The following PRRT3 variants were observed in gnomAD, a reference collection of about 807,000 sequenced individuals.
PRRT3 encodes the protein proline-rich transmembrane protein 3.
PRRT3 carries 48 observed loss-of-function variants against 56.6 expected under a neutral mutation model. The observed-to-expected ratio is 0.85, with a 90% CI of 0.67 to 1.08. The LOEUF is 1.08. PRRT3 is among the 50% of genes least tolerant of loss of function. The pLI, the probability that PRRT3 is intolerant of heterozygous loss-of-function variation, is 0.00. For missense variants in PRRT3, 1,370 were observed against 1,353.1 expected (o/e 1.01, Z -0.20); for synonymous variants, 641 against 619.1 (o/e 1.04, Z -0.52).
At position 9,949,157 on chromosome 3, in the gene PRRT3, C is replaced by G; in HGVS notation, c.959G>C (p.Gly320Ala). The G allele has an allele frequency of 6.2e-7, 1 of 1,611,998 alleles. No individual in the cohort carries two copies. The highest frequency in any genetic ancestry group is 8.5e-7 in the Non-Finnish European group (1 of 1,179,402). Reference sequence around the variant, plus strand: ...GGCGGGTGGATCCGTGGGCTGGGGTCCTGGTGAATCCTTAGCGTCAGGAAG... The same window carrying G: ...GGCGGGTGGATCCGTGGGCTGGGGTGCTGGTGAATCCTTAGCGTCAGGAAG... ...ADLPDAKDSP[G>A]PQPTDPPASE... Residue 320 changes from glycine (G) to alanine (A), a missense_variant, in exon 2 of 4, where the codon GGA (glycine) becomes GCA (alanine). Coordinates refer to ENST00000412055, the MANE Select transcript of PRRT3 (RefSeq NM_207351.5). The surrounding 1 kb of genome is among the most constrained non-coding windows in gnomAD (Gnocchi z 4.5).
chr3:9,946,858 C>G lies in PRRT3; in HGVS notation c.2315G>C (p.Trp772Ser). Residue 772 changes from tryptophan to serine, a missense_variant, in exon 4 of 4, where the codon TGG becomes TCG. Trp to Ser is a radical substitution (Grantham distance 177). Coordinates refer to ENST00000412055, the MANE Select transcript of PRRT3 (RefSeq NM_207351.5). This position sits in a 1 kb window ranked among gnomAD's most constrained non-coding sequence, Gnocchi z 4.1. ...GCGACCCAACGACGCAGCCGAGCCC[C>G]AGGCGCCTGAACTGGGCGTGGCCAG... ...GQLATPSSGAWGSAASLGRGP... is the reference protein window; with the variant it reads ...GQLATPSSGASGSAASLGRGP... 6.5e-7 allele frequency: 1 copy of G among 1,539,596 alleles called. No individual in the cohort carries two copies. The highest frequency in any genetic ancestry group is 8.7e-7 in the Non-Finnish European group (1 of 1,148,434).
chr3:9,949,507 G>T lies in PRRT3; in HGVS notation c.609C>A (p.Asp203Glu), dbSNP rs1457014010. 6.2e-7 allele frequency: 1 copy of T among 1,613,870 alleles called. No homozygotes were observed. The highest frequency in any genetic ancestry group is 1.3e-5 in the African/African-American group (1 of 74,924). The change falls in exon 2 of 4, where the codon GAC becomes GAA. Residue 203 changes from aspartate (D) to glutamate (E), a missense_variant. Physicochemically the swap from Asp to Glu is conservative, Grantham distance 45. Transcript: ENST00000412055. The surrounding 1 kb of genome is among the most constrained non-coding windows in gnomAD (Gnocchi z 4.5). ...CAAGGGTGTGGGGTGGGCCCTGGTG[G>T]TCTGAGGGAGAAGTGGGTGGGACCC... Reference protein sequence around the residue: ...KSRVPPTSPSDHQGPPHTLVS... With the variant: ...KSRVPPTSPSEHQGPPHTLVS...
Position 9,947,567 on chromosome 3 carries a change from C to T in PRRT3, c.1606G>A (p.Gly536Arg). 1.9e-6 allele frequency: 3 copies of T among 1,604,508 alleles called. No individual in the cohort carries two copies. Among genetic ancestry groups the T allele is most frequent in the South Asian group, 1.1e-5 (1 of 90,338 alleles). ...YGSQARLGVR[G>R]GLVLYNLPFP... ...GGCAGGTTGTAGAGCACCAGGCCCC[C>T]GCGAACGCCCAGCCGCGCCTGCGAG... Residue 536 changes from glycine (G) to arginine (R), a missense_variant, in exon 4 of 4, where the codon GGG becomes AGG. By Grantham distance (125) the Gly-to-Arg change is moderately radical. Coordinates refer to ENST00000412055, the MANE Select transcript of PRRT3 (RefSeq NM_207351.5). The surrounding 1 kb of genome is among the most constrained non-coding windows in gnomAD (Gnocchi z 9.2).
chr3:9,946,810 A>T lies in PRRT3; in HGVS notation c.2363T>A (p.Leu788Gln). 1 of 1,546,712 alleles carries T rather than the reference A, an allele frequency of 6.5e-7. No individual in the cohort carries two copies. ...CGCCGGTCCCACACCGTTGCGGGAC[A>T]GTCCCGGGCCACCCTGGGGTCCGCG... is the stretch of plus-strand genomic sequence containing the variant. ...LGRGPQGGPG[L>Q]SRNGVGPAPS... The change falls in exon 4 of 4, where the codon CTG (leucine) becomes CAG (glutamine). Residue 788 changes from leucine (L) to glutamine (Q), a missense_variant. Coordinates refer to ENST00000412055, the MANE Select transcript of PRRT3 (RefSeq NM_207351.5). The surrounding 1 kb of genome is among the most constrained non-coding windows in gnomAD (Gnocchi z 4.1).
Position 9,947,504 on chromosome 3 carries a change from G to A in PRRT3, c.1669C>T (p.Leu557=). Residue 557 remains leucine, a synonymous_variant, in exon 4 of 4, where the codon CTG becomes TTG. Coordinates refer to ENST00000412055, the MANE Select transcript of PRRT3 (RefSeq NM_207351.5). The surrounding 1 kb of genome is among the most constrained non-coding windows in gnomAD (Gnocchi z 9.2). ...GGCAGCCCCGCGCCCAGGCCGAGCA[G>A]AGTCAGGGCTGCCAGCGCCGTAAGC... ...LLLTALAALT[L]LGLGAGLPPP... is the part of the protein sequence containing the mutation. 6.2e-7 allele frequency: 1 copy of A among 1,612,106 alleles called. No individual in the cohort carries two copies. The highest frequency in any genetic ancestry group is 8.5e-7 in the Non-Finnish European group (1 of 1,179,606).
rs1253596339 is a variant in PRRT3 at position 9,946,126 on chromosome 3, G to A, written c.*101C>T. 6.9e-7 allele frequency: 1 copy of A among 1,452,684 alleles called. No homozygotes were observed. The highest frequency in any genetic ancestry group is 2.6e-5 in the Admixed American group (1 of 37,970). The allele number at this position is 1,452,684 out of a possible 1,614,324, so 90.0% of individuals were successfully genotyped here. ...GCTGGGATTCCTGGCGTGAGCCACC[G>A]CGCCTGGCCAGGATGCCCATTTTTT... On this transcript the variant is annotated 3_prime_UTR_variant, in exon 4 of 4. Transcript: ENST00000412055. The surrounding 1 kb of genome is among the most constrained non-coding windows in gnomAD (Gnocchi z 4.1).
intron 1 of PRRT3, among the ~76,000 whole-genome samples, chr3:9,951,811 A>G (rs1328932791): frequency 1.3e-5 from 2 of 151,796 alleles, no homozygotes; most frequent in African/African-American, 4.8e-5. Context: ...AGGGTGAGCA[A>G]CTCCCCCAAG....
Position 9,946,597 on chromosome 3 carries a change from T to A in PRRT3, c.2576A>T (p.Glu859Val), listed in dbSNP as rs1575658726. 7.1e-7 allele frequency: 1 copy of A among 1,401,864 alleles called. No homozygotes were observed. Among genetic ancestry groups the A allele is most frequent in the East Asian group, 2.9e-5 (1 of 34,024 alleles). 86.8% of individuals were successfully genotyped at this position (1,401,864 alleles called of 1,614,324 possible). A position where few individuals can be genotyped will look rare whatever the true frequency, so the allele number is the denominator to read the frequency against. ...RPRRGSHPKA[E>V]LDDAGSSLLR... ...GAGCGAGGAGCCAGCGTCGTCGAGC[T>A]CGGCTTTGGGATGGCTGCCCCGGCG... The change falls in exon 4 of 4, where the codon GAG becomes GTG. Residue 859 changes from glutamate to valine, a missense_variant. Transcript: ENST00000412055. The surrounding 1 kb of genome is among the most constrained non-coding windows in gnomAD (Gnocchi z 4.1).
chr3:9,949,961 C>G lies in PRRT3; in HGVS notation c.155G>C (p.Gly52Ala). Reference protein sequence around the residue: ...IPGAHPKGSVGSEPQAFDVFP... With the variant: ...IPGAHPKGSVASEPQAFDVFP... ...CACGTCAAAGGCCTGGGGCTCTGAG[C>G]CCACAGAGCCCTTGGGGTGGGCTCC... The change falls in exon 2 of 4, where the codon GGC becomes GCC. Residue 52 changes from glycine to alanine, a missense_variant. Transcript: ENST00000412055. This position sits in a 1 kb window ranked among gnomAD's most constrained non-coding sequence, Gnocchi z 4.5. 1 of 1,573,876 alleles carries G rather than the reference C, an allele frequency of 6.4e-7. No homozygotes were observed.
Position 9,947,716 on chromosome 3 carries a change from G to T in PRRT3, c.1457C>A (p.Ala486Glu), listed in dbSNP as rs774085679. Reference sequence around the variant, plus strand: ...TGCCAGCGCAGCCAGCGCCAACAACGCGGGCAGCAGAAAGAGTACCCCCAC... The same window carrying T: ...TGCCAGCGCAGCCAGCGCCAACAACTCGGGCAGCAGAAAGAGTACCCCCAC... ...YGVGVLFLLP[A>E]LLALAALAAA... Residue 486 changes from alanine (A) to glutamate (E), a missense_variant, in exon 4 of 4, where the codon GCG becomes GAG. Transcript: ENST00000412055. This position sits in a 1 kb window ranked among gnomAD's most constrained non-coding sequence, Gnocchi z 9.2. The T allele has an allele frequency of 1.3e-6, 2 of 1,565,316 alleles. No homozygotes were observed.
Position 9,947,771 on chromosome 3 carries a change from T to C in PRRT3, c.1402A>G (p.Ser468Gly). Reference sequence around the variant, plus strand: ...TAGACGTGCAGCTCCCAGGAGAAGCTCAGGACCCGCCGAAGGGGGCCCCAG... The same window carrying C: ...TAGACGTGCAGCTCCCAGGAGAAGCCCAGGACCCGCCGAAGGGGGCCCCAG... Reference protein sequence around the residue: ...LRWGPLRRVLSFSWELHVYGV... With the variant: ...LRWGPLRRVLGFSWELHVYGV... Residue 468 changes from serine (S) to glycine (G), a missense_variant, in exon 4 of 4, where the codon AGC becomes GGC. Ser to Gly is a moderately conservative substitution (Grantham distance 56). Coordinates refer to ENST00000412055, the MANE Select transcript of PRRT3 (RefSeq NM_207351.5). This position sits in a 1 kb window ranked among gnomAD's most constrained non-coding sequence, Gnocchi z 9.2. The C allele has an allele frequency of 6.7e-7, 1 of 1,484,568 alleles. No homozygotes were observed. Among genetic ancestry groups the C allele is most frequent in the Non-Finnish European group, 8.9e-7 (1 of 1,120,038 alleles). The allele number at this position is 1,484,568 out of a possible 1,614,324, so 92.0% of individuals were successfully genotyped here.
At position 9,950,061 on chromosome 3, in the gene PRRT3, G is replaced by A; in HGVS notation, c.55C>T (p.Leu19Phe). The change falls in exon 2 of 4, where the codon CTC becomes TTC. Residue 19 changes from leucine (L) to phenylalanine (F), a missense_variant. Transcript: ENST00000412055. ...CCCAGGGCAGGGCCAGTCCCCAGGA[G>A]TGGCAGCAGCAACAGCAGAAGGCCA... ...VCGLLLLLLP[L>F]LGTGPALGRG... The A allele has an allele frequency of 2.6e-6, 4 of 1,510,954 alleles. No individual in the cohort carries two copies. The highest frequency in any genetic ancestry group is 1.8e-6 in the Non-Finnish European group (2 of 1,132,200). 93.6% of individuals were successfully genotyped at this position (1,510,954 alleles called of 1,614,324 possible). A position where few individuals can be genotyped will look rare whatever the true frequency, so the allele number is the denominator to read the frequency against.
intron 1 of PRRT3, among the ~76,000 whole-genome samples, chr3:9,952,064 G>GGGACTGGGGAGAGGCC (rs1275161016): frequency 6.6e-6 from 1 of 152,322 alleles, no homozygotes; most frequent in East Asian, 1.9e-4. Flanking sequence ...CTCTGCCGCA[G>GGGACTGGGGAGAGGCC]GGACTGGGGA....
In PRRT3 at chr3:9,949,263, GC is replaced by G; in HGVS notation, c.852del (p.Pro285ArgfsTer59). 6.2e-7 allele frequency: 1 copy of G among 1,603,790 alleles called. No homozygotes were observed. The highest frequency in any genetic ancestry group is 8.5e-7 in the Non-Finnish European group (1 of 1,173,796). On this transcript the variant is annotated frameshift_variant, in exon 2 of 4. Transcript: ENST00000412055. LOFTEE classifies it high-confidence loss of function. This position sits in a 1 kb window ranked among gnomAD's most constrained non-coding sequence, Gnocchi z 4.5. ...CCAGCCCTCTTGGGGGTCTCAACCG[GC>G]AGCTCCTCAGCAGGAGGAAGGCTTC... ...LARSLPPAEE[L>X]PVETPKRAGA... is the part of the protein sequence containing the mutation.
rs905386680 is a variant in PRRT3 at position 9,946,869 on chromosome 3, A to G, written c.2304T>C (p.Ser768=). ...PAESGQLATP[S]SGAWGSAASL... is the part of the protein sequence containing the mutation. ...ACGCAGCCGAGCCCCAGGCGCCTGAACTGGGCGTGGCCAGCTGCCCACTCT... is the reference window on the plus strand; with the variant it reads ...ACGCAGCCGAGCCCCAGGCGCCTGAGCTGGGCGTGGCCAGCTGCCCACTCT... Residue 768 remains serine, a synonymous_variant, in exon 4 of 4, where the codon AGT becomes AGC. Coordinates refer to ENST00000412055, the MANE Select transcript of PRRT3 (RefSeq NM_207351.5). This position sits in a 1 kb window ranked among gnomAD's most constrained non-coding sequence, Gnocchi z 4.1. 7.8e-6 allele frequency: 12 copies of G among 1,538,796 alleles called. No individual in the cohort carries two copies. In the African/African-American group the frequency reaches 1.2e-4, roughly 16 times the overall value.
chr3:9,946,194 G>A lies in PRRT3; in HGVS notation c.*33C>T, dbSNP rs115382867. Reference sequence around the variant, plus strand: ...AGTAGGCCATGCCATGTGGGCATCGGGCAGGGTCCTGGCCCTGCGTCAGGA... The same window carrying A: ...AGTAGGCCATGCCATGTGGGCATCGAGCAGGGTCCTGGCCCTGCGTCAGGA... On this transcript the variant is annotated 3_prime_UTR_variant, in exon 4 of 4. Transcript: ENST00000412055. The surrounding 1 kb of genome is among the most constrained non-coding windows in gnomAD (Gnocchi z 4.1). 5,091 of 1,592,290 alleles carry A rather than the reference G, an allele frequency of 3.2e-3. 146 individuals carry two copies. The African/African-American group carries it at 0.061, about 19-fold the overall frequency.
In PRRT3 at chr3:9,949,189, C is replaced by T. The variant is rs776346622; in HGVS notation, c.927G>A (p.Gln309=). The T allele has an allele frequency of 1.9e-6, 3 of 1,611,784 alleles. No individual in the cohort carries two copies. The highest frequency in any genetic ancestry group is 2.7e-5 in the African/African-American group (2 of 74,840). Residue 309 remains glutamine (Q), a synonymous_variant, in exon 2 of 4, where the codon CAG becomes CAA. Transcript: ENST00000412055. This position sits in a 1 kb window ranked among gnomAD's most constrained non-coding sequence, Gnocchi z 4.5. ...AATCCTTAGCGTCAGGAAGGTCAGCCTGCTTGGGCGGGGGACCTGGGGAGC... is the reference window on the plus strand; with the variant it reads ...AATCCTTAGCGTCAGGAAGGTCAGCTTGCTTGGGCGGGGGACCTGGGGAGC... ...EVSSPGPPPK[Q]ADLPDAKDSP...
chr3:9,946,543 T>C lies in PRRT3; in HGVS notation c.2630A>G (p.Asp877Gly). ...LLRGRCRSLS[D>G]VRVRGPVPQH... Reference sequence around the variant, plus strand: ...TGGGACCGGCCCGCGCACGCGCACGTCGCTGAGCGACCTGCAGCGGCCGCG... The same window carrying C: ...TGGGACCGGCCCGCGCACGCGCACGCCGCTGAGCGACCTGCAGCGGCCGCG... Residue 877 changes from aspartate (D) to glycine (G), a missense_variant, in exon 4 of 4, where the codon GAC becomes GGC. By Grantham distance (94) the Asp-to-Gly change is moderately conservative (BLOSUM62 -1). Coordinates refer to ENST00000412055, the MANE Select transcript of PRRT3 (RefSeq NM_207351.5). This position sits in a 1 kb window ranked among gnomAD's most constrained non-coding sequence, Gnocchi z 4.1. 2 of 1,446,914 alleles carry C rather than the reference T, an allele frequency of 1.4e-6. No homozygotes were observed. Among genetic ancestry groups the C allele is most frequent in the Non-Finnish European group, 9.1e-7 (1 of 1,098,048 alleles). 89.6% of individuals were successfully genotyped at this position (1,446,914 alleles called of 1,614,324 possible).
At chr3:9,951,491 C>T (rs1036715689) in intron 1 of PRRT3, among the ~76,000 whole-genome samples, 11 of 152,210 alleles carry the variant, frequency 7.2e-5, no homozygotes, top group African/African-American at 2.7e-4. Context: ...TGAGTCCCAT[C>T]CTCCAAACTC....
Sources: allele counts gnomAD v4.1 joint callset (sites outside exome capture counted in the v4.1 genomes callset), GRCh38; gene constraint gnomAD v4.1.1; non-coding constraint Gnocchi (gnomAD v3.1); transcripts MANE v1.5; gene names NCBI Gene and HGNC (gene_info 2026-07-23, HGNC 2026-07-21).